Variants in CACNA1H observed in about 807,000 individuals in gnomAD.
CACNA1H encodes the protein voltage-dependent T-type calcium channel subunit alpha-1H.
A neutral mutation model predicts 192.5 loss-of-function variants in CACNA1H; 149 were observed. That is an observed-to-expected ratio of 0.77 (90% CI 0.68 to 0.89). CACNA1H has a LOEUF of 0.89. Ranked by LOEUF, CACNA1H falls within the 40% of genes least tolerant of loss-of-function variation. The pLI is 0.00. For missense variants in CACNA1H, 4,257 were observed against 3,423.5 expected, an observed-to-expected ratio of 1.24 and a Z score of -6.08; for synonymous variants, 2,202 against 1,475.2, an observed-to-expected ratio of 1.49 and a Z score of -11.29.
rs372796522 is a variant in CACNA1H at position 1,211,917 on chromosome 16, G to T, written c.4567-29G>T. On this transcript the variant is annotated intron_variant, in intron 24 of 34. Transcript: ENST00000348261. The stretch of plus-strand genomic sequence containing the variant: ...GGTAGGGCCCCTGGCGGGGCAGGCG[G>T]GCGGGGACCCACCGCCTCTGTGCCA... 1.1e-5 allele frequency: 17 copies of T among 1,612,048 alleles called. No individual in the cohort carries two copies. In the African/African-American group the frequency reaches 2.3e-4, roughly 22 times the overall value.
At chr16:1,210,261 C>A in intron 18 of CACNA1H, 109 bp from the exon 19 acceptor site, 2 of 1,251,148 alleles carry the variant, frequency 1.6e-6, no homozygotes, top group Non-Finnish European at 2.3e-6. Context: ...TCTCACACCG[C>A]AGGGACCGGG....
chr16:1,196,445 CCCG>C (rs1414345623), intron 5 of CACNA1H, among the ~76,000 whole-genome samples: 1 of 152,192 alleles, frequency 6.6e-6, no homozygotes, highest in East Asian at 1.9e-4. Context: ...TCTGTGAAGC[CCCG>C]CCTTCACACC....
intron 31 of CACNA1H, among the ~76,000 whole-genome samples, chr16:1,217,328 AAC>A (rs1464986014): frequency 2.6e-5 from 4 of 152,234 alleles, no homozygotes; most frequent in South Asian, 2.1e-4. Flanking sequence ...GACATCTGGA[AAC>A]ACACGCCATG....
chr16:1,200,683 G>A (rs201765670), intron 7 of CACNA1H, 33 bp from the exon 8 acceptor site: 23 of 1,565,238 alleles, frequency 1.5e-5, no homozygotes, highest in East Asian at 2.4e-5. Context: ...AGGAGGGGTC[G>A]TGCGGGCCCA....
rs530140454 is a variant in CACNA1H at position 1,195,918 on chromosome 16, G to C, written c.546-8G>C. On this transcript the variant is annotated splice_polypyrimidine_tract_variant and splice_region_variant and intron_variant, in intron 4 of 34. Coordinates refer to ENST00000348261, the MANE Select transcript of CACNA1H (RefSeq NM_021098.3). ...TGTTGAGCTGCTCCCCCTCGGCCCC[G>C]CCCCCAGCATGATGGAGTACTCGTT... 5 of 1,608,472 alleles carry C rather than the reference G, an allele frequency of 3.1e-6. No individual in the cohort carries two copies. The highest frequency in any genetic ancestry group is 4.2e-6 in the Non-Finnish European group (5 of 1,176,610).
intron 12 of CACNA1H, chr16:1,206,641 CAGG>C (rs1968746704): frequency 7.1e-6 from 3 of 421,324 alleles, no homozygotes; most frequent in Admixed American, 3.9e-5. Flanking sequence ...AGCTCAGGGT[CAGG>C]GTCGGCTGGA....
intron 26 of CACNA1H, 115 bp downstream of exon 26, chr16:1,212,643 G>T (rs1295086883): frequency 1.5e-6 from 2 of 1,290,388 alleles, no homozygotes; most frequent in East Asian, 5.1e-5. Context: ...GCAGCCGGAG[G>T]TGCTGGGCGT....
chr16:1,183,668 C>T (rs569471088), intron 2 of CACNA1H, among the ~76,000 whole-genome samples: 15 of 152,360 alleles, frequency 9.8e-5, no homozygotes, highest in South Asian at 6.2e-4. Context: ...TGGAGCTCCC[C>T]GGGCACCGTC....
intron 2 of CACNA1H, among the ~76,000 whole-genome samples, chr16:1,178,755 C>G (rs1011336842): frequency 2.0e-5 from 3 of 151,978 alleles, no homozygotes; most frequent in African/African-American, 7.3e-5. Context: ...GCAGGTTGGG[C>G]CCAGATGCCC....
chr16:1,195,326 C>T (rs1232563261), intron 3 of CACNA1H, 106 bp from the exon 4 acceptor site: 20 of 1,185,734 alleles, frequency 1.7e-5, no homozygotes, highest in African/African-American at 9.6e-5. Context: ...AGGGGCGGGG[C>T]GAGGGGTGTG....
intron 2 of CACNA1H, among the ~76,000 whole-genome samples, chr16:1,165,337 T>C (rs1963649627): frequency 2.0e-5 from 3 of 152,160 alleles, no homozygotes; most frequent in South Asian, 2.1e-4. Context: ...TTGGTGTGTT[T>C]GAAAGCTGAG....
rs1333592686 is a variant in CACNA1H at position 1,201,988 on chromosome 16, C to T, written c.1538C>T (p.Ser513Leu). ...CGCCGGGCAGGCAGGCACACAGCCT[C>T]GGTGCACCACCTGGTCTACCACCAC... is the stretch of plus-strand genomic sequence containing the variant. ...RQRRAGRHTA[S>L]VHHLVYHHHH... The change falls in exon 9 of 35, where the codon TCG (serine) becomes TTG (leucine). Residue 513 changes from serine to leucine, a missense_variant. Physicochemically the swap from Ser to Leu is moderately radical, Grantham distance 145. Coordinates refer to ENST00000348261, the MANE Select transcript of CACNA1H (RefSeq NM_021098.3). 1.0e-5 allele frequency: 16 copies of T among 1,540,642 alleles called. No homozygotes were observed. Among genetic ancestry groups the T allele is most frequent in the African/African-American group, 4.1e-5 (3 of 72,912 alleles).
chr16:1,221,128 G>A lies in CACNA1H; in HGVS notation c.*134G>A. 4.5e-6 allele frequency: 3 copies of A among 665,604 alleles called. No homozygotes were observed. Among genetic ancestry groups the A allele is most frequent in the Non-Finnish European group, 7.4e-6 (3 of 405,978 alleles). The allele number at this position is 665,604 out of a possible 1,614,324, so 41.2% of individuals were successfully genotyped here. A position where few individuals can be genotyped will look rare whatever the true frequency, so the allele number is the denominator to read the frequency against. On this transcript the variant is annotated 3_prime_UTR_variant, in exon 35 of 35. Coordinates refer to ENST00000348261, the MANE Select transcript of CACNA1H (RefSeq NM_021098.3). ...GCAGAAAGGCCCGGGGAGGATGACG[G>A]CCCAGGCCCTGGTTCTCTGCCCAGC...
intron 2 of CACNA1H, among the ~76,000 whole-genome samples, chr16:1,172,902 C>G (rs1022246716): frequency 6.6e-6 from 1 of 151,776 alleles, no homozygotes; most frequent in African/African-American, 2.4e-5. Flanking sequence ...TGGGGACTCT[C>G]GCAGTCACTG....
rs1347645785 is a variant in CACNA1H at position 1,183,756 on chromosome 16, G to A, written c.300-11216G>A. 2.6e-5 allele frequency among the ~76,000 whole-genome samples: 4 copies of A among 152,390 alleles called. No individual in the cohort carries two copies. In the South Asian group the frequency reaches 6.2e-4, roughly 24 times the overall value. On this transcript the variant is annotated intron_variant, in intron 2 of 34. Transcript: ENST00000348261. ...GCGGCCCTGGGGGGAGCGTGCAAGA[G>A]CACATGCGTATACACGGGTGAGCAC...
chr16:1,221,282 G>A lies in CACNA1H; in HGVS notation c.*288G>A. The stretch of plus-strand genomic sequence containing the variant: ...TCCCGTCAGGAGAGAAGCCGCGTCT[G>A]TGGGACGAAGACCGGGCACCCGCCA... On this transcript the variant is annotated 3_prime_UTR_variant, in exon 35 of 35. Coordinates refer to ENST00000348261, the MANE Select transcript of CACNA1H (RefSeq NM_021098.3). The A allele has an allele frequency of 4.6e-6, 2 of 435,842 alleles. No individual in the cohort carries two copies. Among genetic ancestry groups the A allele is most frequent in the Non-Finnish European group, 8.1e-6 (2 of 247,630 alleles). 27.0% of individuals were successfully genotyped at this position (435,842 alleles called of 1,614,324 possible).
chr16:1,208,554 C>T (rs1969035314), intron 16 of CACNA1H, among the ~76,000 whole-genome samples: 1 of 152,198 alleles, frequency 6.6e-6, no homozygotes, highest in African/African-American at 2.4e-5. Flanking sequence ...CCGCTGCCAC[C>T]AGAAGCAGCC....
At chr16:1,162,036 G>A (rs1034210250) in intron 2 of CACNA1H, among the ~76,000 whole-genome samples, 13 of 152,154 alleles carry the variant, frequency 8.5e-5, no homozygotes, top group Admixed American at 2.0e-4. Context: ...GGACCCTGTC[G>A]GGGTCGTGTC....
chr16:1,197,043 G>T (rs1967066543), intron 5 of CACNA1H, among the ~76,000 whole-genome samples: 1 of 152,174 alleles, frequency 6.6e-6, no homozygotes, highest in South Asian at 2.1e-4. Flanking sequence ...CAAAGTCACA[G>T]ACCCCCAAGG....
Sources: gnomAD v4.1 joint callset for allele counts (sites outside exome capture counted in the v4.1 genomes callset) on GRCh38, gnomAD v4.1.1 for gene constraint, MANE v1.5 for transcripts, NCBI Gene and HGNC (gene_info 2026-07-23, HGNC 2026-07-21) for gene names.